The following SEMA5A variants were observed in gnomAD, a reference collection of about 807,000 sequenced individuals.
SEMA5A encodes semaphorin-5A.
In SEMA5A, 55 loss-of-function variants were observed where a neutral mutation model predicts 135.5. The ratio of observed to expected loss-of-function variants is 0.41; its 90% CI spans 0.33 to 0.51. The LOEUF (loss-of-function observed/expected upper bound fraction) is 0.51. SEMA5A is among the 20% of genes least tolerant of loss of function. The probability of loss-of-function intolerance (pLI) is 0.37; values close to 1 mark genes in which losing one functional copy is unlikely to be tolerated. For missense variants in SEMA5A, 1,290 were observed against 1,419.9 expected (o/e 0.91, Z 1.47); for synonymous variants, 580 against 546.5 (o/e 1.06, Z -0.85).
intron 3 of SEMA5A, among the ~76,000 whole-genome samples, chr5:9,365,248 G>A (rs897381103): frequency 2.0e-5 from 3 of 152,200 alleles, no homozygotes; most frequent in Non-Finnish European, 4.4e-5. Flanking sequence ...GGCAAGGCTA[G>A]TAAGTACCTC....
intron 9 of SEMA5A, among the ~76,000 whole-genome samples, chr5:9,197,728 T>TTGTTTGTGTGTGTGTGTG: frequency 1.7e-5 from 1 of 59,308 alleles, no homozygotes; most frequent in African/African-American, 7.5e-5. Flanking sequence ...GGAAAGCTGT[T>TTGTTTGTGTGTGTGTGTG]TGTGTGTGTG....
At chr5:9,167,717 G>A (rs1028799324) in intron 11 of SEMA5A, among the ~76,000 whole-genome samples, 1 of 152,158 alleles carries the variant, frequency 6.6e-6, no homozygotes, top group Non-Finnish European at 1.5e-5. Flanking sequence ...CTTATGGAAG[G>A]TATTCTTCCT....
intron 16 of SEMA5A, among the ~76,000 whole-genome samples, chr5:9,096,370 AC>A (rs1441076860): frequency 2.6e-5 from 4 of 151,972 alleles, no homozygotes; most frequent in African/African-American, 9.7e-5. Context: ...CAACCTAACA[AC>A]CACTGTTTTA....
At chr5:9,390,383 A>T (rs1756108283) in intron 2 of SEMA5A, among the ~76,000 whole-genome samples, 1 of 152,234 alleles carries the variant, frequency 6.6e-6, no homozygotes, top group East Asian at 1.9e-4. Flanking sequence ...AACCACTTGA[A>T]ATGTCAAAGG....
intron 11 of SEMA5A, among the ~76,000 whole-genome samples, chr5:9,174,540 A>G (rs1004636958): frequency 6.6e-5 from 10 of 152,176 alleles, no homozygotes; most frequent in Admixed American, 2.0e-4. Context: ...TGGAGGATGC[A>G]CCCATTCCTT....
chr5:9,318,506 T>C, intron 4 of SEMA5A, 89 bp from the exon 5 acceptor site: 4 of 1,080,262 alleles, frequency 3.7e-6, no homozygotes, highest in South Asian at 2.9e-5. Context: ...AAGAAAATAA[T>C]AATTTTGACT....
intron 1 of SEMA5A, among the ~76,000 whole-genome samples, chr5:9,501,469 C>A (rs773429636): frequency 6.6e-6 from 1 of 152,040 alleles, no homozygotes; most frequent in African/African-American, 2.4e-5. Flanking sequence ...TGAGTTTTTT[C>A]CTATGTAGAG....
chr5:9,123,213 C>T (rs1308141082), intron 13 of SEMA5A, among the ~76,000 whole-genome samples: 3 of 129,384 alleles, frequency 2.3e-5, no homozygotes, highest in African/African-American at 5.9e-5. Flanking sequence ...GAGCCGAGAT[C>T]GCACCACTGC....
At chr5:9,325,924 A>C (rs113396397) in intron 4 of SEMA5A, among the ~76,000 whole-genome samples, 1 of 152,246 alleles carries the variant, frequency 6.6e-6, no homozygotes, top group African/African-American at 2.4e-5. Context: ...GTACTAGAGC[A>C]AATGAAGGCA....
At chr5:9,388,904 A>AAG (rs1220293920) in intron 2 of SEMA5A, among the ~76,000 whole-genome samples, 1 of 152,070 alleles carries the variant, frequency 6.6e-6, no homozygotes, top group Non-Finnish European at 1.5e-5. Flanking sequence ...GTCTCAAAAA[A>AAG]AAAAAGAAAG....
At chr5:9,254,132 G>A (rs1748940038) in intron 5 of SEMA5A, among the ~76,000 whole-genome samples, 1 of 152,180 alleles carries the variant, frequency 6.6e-6, no homozygotes, top group South Asian at 2.1e-4. Flanking sequence ...TACATAGTCA[G>A]TGGAACTTGT....
In SEMA5A at chr5:9,509,711, T is replaced by C. The variant is rs60369919; in HGVS notation, c.-175+35873A>G. On this transcript the variant is annotated intron_variant, in intron 1 of 22. Transcript: ENST00000382496. Reference sequence around the variant, plus strand: ...TAAACTCTGTAAGAAGCCTCAGAATTTCATCTTAAAGTTGAGTTTCTGAGT... The same window carrying C: ...TAAACTCTGTAAGAAGCCTCAGAATCTCATCTTAAAGTTGAGTTTCTGAGT... 4.0e-3 allele frequency among the ~76,000 whole-genome samples: 607 copies of C among 152,284 alleles called. 3 individuals are homozygous for C. Among genetic ancestry groups the C allele is most frequent in the African/African-American group, 0.014 (575 of 41,556 alleles).
intron 1 of SEMA5A, among the ~76,000 whole-genome samples, chr5:9,541,646 A>G (rs896652877): frequency 1.3e-5 from 2 of 152,242 alleles, no homozygotes; most frequent in African/African-American, 4.8e-5. Context: ...AAAGGGAAAT[A>G]AAGTGTGCTT....
chr5:9,202,167 A>G lies in SEMA5A; in HGVS notation c.720T>C (p.His240=), dbSNP rs1202847083. Residue 240 remains histidine (H), a synonymous_variant, in exon 9 of 23, where the codon CAT becomes CAC. Transcript: ENST00000382496. ...YFFFRENAVE[H]DCGKTVFSRA... ...TGGAGAACACTGTTTTCCCACAGTC[A>G]TGCTCTACTGCATTTTCTCGGAAAA... The G allele has an allele frequency of 1.2e-6, 2 of 1,614,082 alleles. No individual in the cohort carries two copies. Among genetic ancestry groups the G allele is most frequent in the Admixed American group, 1.7e-5 (1 of 60,002 alleles).
intron 1 of SEMA5A, among the ~76,000 whole-genome samples, chr5:9,532,975 CT>C (rs1737541288): frequency 6.6e-6 from 1 of 152,226 alleles, no homozygotes; most frequent in Admixed American, 6.5e-5. Flanking sequence ...GCAGTGTTCA[CT>C]TTGTCAAGCA....
At chr5:9,164,265 A>T (rs1743483364) in intron 11 of SEMA5A, among the ~76,000 whole-genome samples, 4 of 144,990 alleles carry the variant, frequency 2.8e-5, no homozygotes. Context: ...TTATAAATAT[A>T]TGATATAAAT....
At chr5:9,304,648 C>A (rs1327230321) in intron 5 of SEMA5A, among the ~76,000 whole-genome samples, 2 of 152,094 alleles carry the variant, frequency 1.3e-5, no homozygotes, top group Non-Finnish European at 2.9e-5. Flanking sequence ...ACTGCTGTTT[C>A]TTGATATTTT....
intron 5 of SEMA5A, among the ~76,000 whole-genome samples, chr5:9,295,650 A>T (rs1751300956): frequency 6.6e-6 from 1 of 152,126 alleles, no homozygotes; most frequent in Admixed American, 6.5e-5. Flanking sequence ...GGAATGCACC[A>T]AGGCTGCAGA....
chr5:9,083,615 C>A (rs1738516573), intron 16 of SEMA5A, among the ~76,000 whole-genome samples: 1 of 151,436 alleles, frequency 6.6e-6, no homozygotes, highest in African/African-American at 2.4e-5. Context: ...TCCATCCATC[C>A]ATCCATCCAT....
Sources: gnomAD v4.1 joint callset for allele counts (sites outside exome capture counted in the v4.1 genomes callset) on GRCh38, gnomAD v4.1.1 for gene constraint, MANE v1.5 for transcripts, NCBI Gene and HGNC (gene_info 2026-07-23, HGNC 2026-07-21) for gene names.